SNX29: variants seen among roughly 807,000 people sequenced by gnomAD.
SNX29 encodes sorting nexin 29.
A neutral mutation model predicts 102.1 loss-of-function variants in SNX29; 78 were observed. The ratio of observed to expected loss-of-function variants is 0.76; its 90% CI spans 0.64 to 0.92. The LOEUF (loss-of-function observed/expected upper bound fraction) is 0.92, where lower values mean the gene tolerates loss of function less well. SNX29 is among the 40% of genes least tolerant of loss of function. The pLI is 0.00. For missense variants in SNX29, 1,280 were observed against 1,061.7 expected (o/e 1.21, Z -2.86); for synonymous variants, 580 against 414.5 (o/e 1.40, Z -4.85).
At chr16:12,515,836 A>AT (rs1421357536) in intron 19 of SNX29, among the ~76,000 whole-genome samples, 2 of 152,118 alleles carry the variant, frequency 1.3e-5, no homozygotes, top group Non-Finnish European at 2.9e-5. Context: ...AGCCAGCACA[A>AT]TTAACGCGAG....
At chr16:12,269,445 T>A (rs1349052019) in intron 14 of SNX29, among the ~76,000 whole-genome samples, 1 of 152,196 alleles carries the variant, frequency 6.6e-6, no homozygotes, top group Non-Finnish European at 1.5e-5. Flanking sequence ...TGAAGCAGTA[T>A]CATTATTTTG....
intron 13 of SNX29, among the ~76,000 whole-genome samples, chr16:12,160,577 G>A (rs1172782636): frequency 6.6e-6 from 1 of 152,210 alleles, no homozygotes; most frequent in African/African-American, 2.4e-5. Flanking sequence ...GTGGTTGGGA[G>A]TGACTGCTAA....
chr16:12,364,342 G>A (rs1016793498), intron 16 of SNX29, among the ~76,000 whole-genome samples: 66 of 151,974 alleles, frequency 4.3e-4, no homozygotes, highest in African/African-American at 1.5e-3. Flanking sequence ...AACTTGGCCT[G>A]TGTATCCTTT....
intron 14 of SNX29, among the ~76,000 whole-genome samples, chr16:12,209,772 T>C (rs2077135486): frequency 6.6e-6 from 1 of 152,194 alleles, no homozygotes; most frequent in Non-Finnish European, 1.5e-5. Flanking sequence ...CCTGCTGCTC[T>C]GCACTTAAGT....
At chr16:12,373,217 C>G (rs914375332) in intron 16 of SNX29, among the ~76,000 whole-genome samples, 17 of 152,184 alleles carry the variant, frequency 1.1e-4, no homozygotes, top group Admixed American at 9.2e-4. Flanking sequence ...GCTGCAGCCT[C>G]CGACTTGTGG....
At chr16:12,339,318 C>T (rs1199222814) in intron 15 of SNX29, among the ~76,000 whole-genome samples, 1 of 140,346 alleles carries the variant, frequency 7.1e-6, no homozygotes, top group African/African-American at 2.7e-5. Flanking sequence ...TTGTGGTAAC[C>T]TGAGATCGTG....
intron 8 of SNX29, among the ~76,000 whole-genome samples, chr16:12,059,835 G>A (rs1363112046): frequency 6.6e-6 from 1 of 152,174 alleles, no homozygotes; most frequent in African/African-American, 2.4e-5. Context: ...CTTGTGGGCA[G>A]GAGACGACTC....
At position 12,570,623 on chromosome 16, in the gene SNX29, G is replaced by T. The variant is rs898102723; in HGVS notation, c.*1994G>T. 1 of 232,184 alleles carries T rather than the reference G, an allele frequency of 4.3e-6. No individual in the cohort carries two copies. Among genetic ancestry groups the T allele is most frequent in the Non-Finnish European group, 8.5e-6 (1 of 117,428 alleles). The allele number at this position is 232,184 out of a possible 1,614,324, so 14.4% of individuals were successfully genotyped here. On this transcript the variant is annotated 3_prime_UTR_variant, in exon 21 of 21. Transcript: ENST00000566228. Reference sequence around the variant, plus strand: ...GAGGTCATCTCCCTGTTCTCTGTTGGATAAAGGAACCTCCCCCATCTGTGA... The same window carrying T: ...GAGGTCATCTCCCTGTTCTCTGTTGTATAAAGGAACCTCCCCCATCTGTGA...
At chr16:12,541,364 C>G (rs2077331303) in intron 20 of SNX29, among the ~76,000 whole-genome samples, 1 of 152,100 alleles carries the variant, frequency 6.6e-6, no homozygotes, top group Admixed American at 6.5e-5. Flanking sequence ...CACAGAATTC[C>G]CTATGAGGGC....
At position 12,048,367 on chromosome 16, in the gene SNX29, G is replaced by A. The variant is rs761919337; in HGVS notation, c.500-5G>A. ...CACTCCAGACTTTTCCCTTTTTTTGGGCAGGTCTGAACTCCATACTCTTTG... is the reference window on the plus strand; with the variant it reads ...CACTCCAGACTTTTCCCTTTTTTTGAGCAGGTCTGAACTCCATACTCTTTG... On this transcript the variant is annotated splice_polypyrimidine_tract_variant and splice_region_variant and intron_variant, in intron 6 of 20. Coordinates refer to ENST00000566228, the MANE Select transcript of SNX29 (RefSeq NM_032167.5). 1 of 1,613,478 alleles carries A rather than the reference G, an allele frequency of 6.2e-7. No homozygotes were observed. The highest frequency in any genetic ancestry group is 2.2e-5 in the East Asian group (1 of 44,866).
intron 4 of SNX29, among the ~76,000 whole-genome samples, chr16:12,030,512 A>G (rs971719390): frequency 8.5e-5 from 13 of 152,058 alleles, no homozygotes; most frequent in Non-Finnish European, 1.9e-4. Context: ...TCCCACAAAG[A>G]GCATTGTTTT....
rs1243285645 is a variant in SNX29, at chr16:12,574,087, CCTGTAGTA to C, written c.*5459_*5466del. On this transcript the variant is annotated 3_prime_UTR_variant, in exon 21 of 21. Transcript: ENST00000566228. ...AGAAGTCTGTGGAAACGCCCTGAAA[CCTGTAGTA>C]TTATCTTAACTACCCTCTTATGTTA... The C allele has an allele frequency of 1.1e-5, 2 of 190,426 alleles. No individual in the cohort carries two copies. Among genetic ancestry groups the C allele is most frequent in the Admixed American group, 1.2e-4 (2 of 16,262 alleles). 11.8% of individuals were successfully genotyped at this position (190,426 alleles called of 1,614,324 possible).
intron 20 of SNX29, among the ~76,000 whole-genome samples, chr16:12,566,124 G>A (rs2078994632): frequency 1.3e-5 from 2 of 152,176 alleles, no homozygotes; most frequent in African/African-American, 2.4e-5. Flanking sequence ...TCTGTCCAAG[G>A]CTCAGAGGGC....
At chr16:12,550,067 C>T (rs1321411376) in intron 20 of SNX29, among the ~76,000 whole-genome samples, 4 of 152,160 alleles carry the variant, frequency 2.6e-5, no homozygotes, top group South Asian at 4.1e-4. Context: ...TTTAGTCTCA[C>T]CCTTTATAGG....
intron 18 of SNX29, chr16:12,443,268 G>T (rs113827077): frequency 7.9e-6 from 2 of 252,154 alleles, no homozygotes; most frequent in Non-Finnish European, 1.6e-5. Context: ...CTACTAGAGG[G>T]GCCCACGCTG....
intron 14 of SNX29, among the ~76,000 whole-genome samples, chr16:12,273,986 A>G (rs902632911): frequency 1.3e-5 from 2 of 152,130 alleles, no homozygotes; most frequent in Non-Finnish European, 1.5e-5. Flanking sequence ...TTACCAGGTG[A>G]TGGCCATTTG....
intron 18 of SNX29, among the ~76,000 whole-genome samples, chr16:12,472,661 G>A (rs137982240): frequency 0.01 from 1,536 of 152,012 alleles, 73 homozygotes; most frequent in Admixed American, 0.09. Flanking sequence ...TCTGGTAGAC[G>A]CTCTTCATCT....
intron 19 of SNX29, among the ~76,000 whole-genome samples, chr16:12,500,699 T>C (rs1398143487): frequency 6.6e-6 from 1 of 152,242 alleles, no homozygotes; most frequent in East Asian, 1.9e-4. Context: ...CAGCCTCATC[T>C]GAGAGCTTGT....
At chr16:12,263,330 G>A (rs947595209) in intron 14 of SNX29, among the ~76,000 whole-genome samples, 4 of 152,268 alleles carry the variant, frequency 2.6e-5, no homozygotes, top group Non-Finnish European at 4.4e-5. Flanking sequence ...GTTCTGCCAT[G>A]TTGGCCAGGC....
Sources: gnomAD v4.1 joint callset for allele counts (sites outside exome capture counted in the v4.1 genomes callset) on GRCh38, gnomAD v4.1.1 for gene constraint, MANE v1.5 for transcripts, NCBI Gene and HGNC (gene_info 2026-07-23, HGNC 2026-07-21) for gene names.